CMIP: variants seen among roughly 807,000 people sequenced by gnomAD.
The protein encoded by CMIP is c-Maf inducing protein.
In CMIP, 13 loss-of-function variants were observed where a neutral mutation model predicts 97.3. The observed-to-expected ratio is 0.13, with a 90% CI of 0.09 to 0.21. CMIP has a LOEUF of 0.21. Ranked by LOEUF, CMIP falls within the 10% of genes least tolerant of loss-of-function variation. The pLI, the probability that CMIP is intolerant of heterozygous loss-of-function variation, is 1.00. For synonymous variants in CMIP, 538 were observed against 436.3 expected (o/e 1.23, Z -2.91); for missense variants, 847 against 1,024.9 (o/e 0.83, Z 2.37).
intron 1 of CMIP, among the ~76,000 whole-genome samples, chr16:81,570,397 T>G (rs533288141): frequency 1.3e-5 from 2 of 152,274 alleles, no homozygotes; most frequent in South Asian, 4.2e-4. Flanking sequence ...GCGGTGAACC[T>G]GGCTTGGCTG....
intron 1 of CMIP, among the ~76,000 whole-genome samples, chr16:81,550,682 A>G (rs188389760): frequency 6.6e-6 from 1 of 152,182 alleles, no homozygotes; most frequent in African/African-American, 2.4e-5. Context: ...AGAAACTACT[A>G]GAAGGCTGAA....
At chr16:81,630,103 T>G (rs1237192877) in intron 3 of CMIP, 1 of 152,274 alleles carries the variant, frequency 6.6e-6, no homozygotes, top group Non-Finnish European at 1.5e-5. Context: ...CCTGGACCAG[T>G]TGCTTTCGTC....
chr16:81,707,865 G>A (rs1908322349), intron 20 of CMIP, among the ~76,000 whole-genome samples: 1 of 152,212 alleles, frequency 6.6e-6, no homozygotes, highest in African/African-American at 2.4e-5. Context: ...AGGTGAGAAG[G>A]CACAGATGGC....
At chr16:81,632,002 A>C (rs1330738724) in intron 3 of CMIP, 1 of 152,202 alleles carries the variant, frequency 6.6e-6, no homozygotes, top group East Asian at 1.9e-4. Flanking sequence ...GAAAATTCCC[A>C]CTATCCCTAA....
intron 10 of CMIP, among the ~76,000 whole-genome samples, chr16:81,686,681 CTA>C (rs893758706): frequency 6.6e-6 from 1 of 152,198 alleles, no homozygotes; most frequent in African/African-American, 2.4e-5. Context: ...GGCTGCCACT[CTA>C]TCGTGGGCTT....
intron 3 of CMIP, among the ~76,000 whole-genome samples, chr16:81,625,738 T>C (rs1257968953): frequency 6.6e-6 from 1 of 152,210 alleles, no homozygotes; most frequent in Non-Finnish European, 1.5e-5. Context: ...ACCAGGCTCC[T>C]AGAGGAGCCC....
intron 1 of CMIP, among the ~76,000 whole-genome samples, chr16:81,587,986 TTC>T (rs2091409650): frequency 6.6e-6 from 1 of 152,160 alleles, no homozygotes; most frequent in African/African-American, 2.4e-5. Flanking sequence ...GGTCAGGGAT[TTC>T]CCACTTGAAA....
rs1240896838 is a variant in CMIP, at chr16:81,709,810, T to A, written c.*11T>A. The A allele has an allele frequency of 6.2e-7, 1 of 1,613,678 alleles. No individual in the cohort carries two copies. Among genetic ancestry groups the A allele is most frequent in the East Asian group, 2.2e-5 (1 of 44,874 alleles). On this transcript the variant is annotated 3_prime_UTR_variant, in exon 21 of 21. Coordinates refer to ENST00000537098, the MANE Select transcript of CMIP (RefSeq NM_198390.3). ...ACCGAAGCCTGGTGAAGCTCCCAGC[T>A]CAAGGCAGGAAGACGTTTGCAACCG...
intron 3 of CMIP, among the ~76,000 whole-genome samples, chr16:81,649,286 G>A (rs899388240): frequency 6.6e-6 from 1 of 152,250 alleles, no homozygotes; most frequent in Admixed American, 6.5e-5. Flanking sequence ...GGGCCCTCCC[G>A]GGAAAGCTGT....
chr16:81,581,443 C>A (rs1023920603), intron 1 of CMIP, among the ~76,000 whole-genome samples: 1 of 152,156 alleles, frequency 6.6e-6, no homozygotes, highest in Admixed American at 6.5e-5. Context: ...CTACTGAATA[C>A]TGGTGGCAGT....
In CMIP at chr16:81,509,100, A is replaced by G. The variant is rs542161862; in HGVS notation, c.300+63559A>G. Reference sequence around the variant, plus strand: ...AAATAAAGATCTACTCTTCAGAGAGAAAAAGTGCCAGCAGGTCCTCATGAA... The same window carrying G: ...AAATAAAGATCTACTCTTCAGAGAGGAAAAGTGCCAGCAGGTCCTCATGAA... On this transcript the variant is annotated intron_variant, in intron 1 of 20. Transcript: ENST00000537098. Among the ~76,000 whole-genome samples the G allele has an allele frequency of 9.8e-5, 15 of 152,310 alleles. No homozygotes were observed. The East Asian group carries it at 2.5e-3, about 25-fold the overall frequency.
intron 1 of CMIP, among the ~76,000 whole-genome samples, chr16:81,463,278 C>CCA (rs1184798939): frequency 1.3e-5 from 2 of 152,176 alleles, no homozygotes; most frequent in Admixed American, 1.3e-4. Flanking sequence ...CGATCTTTAG[C>CCA]CACACCCTAG....
chr16:81,486,751 A>G (rs549313213), intron 1 of CMIP, among the ~76,000 whole-genome samples: 66 of 152,246 alleles, frequency 4.3e-4, no homozygotes, highest in Non-Finnish European at 8.2e-4. Flanking sequence ...GGTGGCCGGC[A>G]CTGTTGCAGA....
chr16:81,526,067 C>T (rs1053693172), intron 1 of CMIP, among the ~76,000 whole-genome samples: 4 of 151,848 alleles, frequency 2.6e-5, no homozygotes, highest in South Asian at 2.1e-4. Context: ...GTTGCTTCTG[C>T]GTTTTGGCTT....
chr16:81,452,328 C>T (rs1446948082), intron 1 of CMIP, among the ~76,000 whole-genome samples: 1 of 152,160 alleles, frequency 6.6e-6, no homozygotes, highest in African/African-American at 2.4e-5. Context: ...ATCAGAGAAA[C>T]TTCCTCTTAG....
At chr16:81,487,409 C>G (rs1175758812) in intron 1 of CMIP, among the ~76,000 whole-genome samples, 1 of 152,200 alleles carries the variant, frequency 6.6e-6, no homozygotes, top group East Asian at 1.9e-4. Flanking sequence ...CCCGAGGCCC[C>G]AGACCAAACC....
intron 1 of CMIP, among the ~76,000 whole-genome samples, chr16:81,548,871 A>G (rs1409656759): frequency 6.6e-6 from 1 of 152,164 alleles, no homozygotes; most frequent in East Asian, 1.9e-4. Flanking sequence ...GGAAAAAGGA[A>G]GCTGTGTCTG....
intron 1 of CMIP, among the ~76,000 whole-genome samples, chr16:81,537,973 C>A (rs530811310): frequency 1.3e-5 from 2 of 152,246 alleles, no homozygotes; most frequent in African/African-American, 2.4e-5. Flanking sequence ...GGAAGAGACC[C>A]GGCATTCCGG....
intron 1 of CMIP, among the ~76,000 whole-genome samples, chr16:81,606,082 T>C (rs1231924047): frequency 6.6e-6 from 1 of 152,224 alleles, no homozygotes; most frequent in Non-Finnish European, 1.5e-5. Context: ...GTCCTCCATC[T>C]TTATGGTAGA....
Sources: allele counts gnomAD v4.1 joint callset (sites outside exome capture counted in the v4.1 genomes callset), GRCh38; gene constraint gnomAD v4.1.1; transcripts MANE v1.5; gene names NCBI Gene and HGNC (gene_info 2026-07-23, HGNC 2026-07-21).